Variants in ZNF366 observed in about 807,000 individuals in gnomAD.
ZNF366 encodes zinc finger protein 366.
Under a neutral mutation model 47.2 loss-of-function variants are expected in ZNF366, and 20 were observed. The observed-to-expected ratio is 0.42, with a 90% CI of 0.30 to 0.62. The LOEUF (loss-of-function observed/expected upper bound fraction) is 0.62, where lower values mean the gene tolerates loss of function less well. Ranked by LOEUF, ZNF366 falls within the 20% of genes least tolerant of loss-of-function variation. The probability of loss-of-function intolerance (pLI) is 0.16; values close to 1 mark genes in which losing one functional copy is unlikely to be tolerated. For missense variants in ZNF366, 987 were observed against 976.3 expected (o/e 1.01, Z -0.15); for synonymous variants, 421 against 395.1 (o/e 1.07, Z -0.78).
At chr5:72,490,939 T>C (rs4703551) in intron 1 of ZNF366, among the ~76,000 whole-genome samples, 24,418 of 152,134 alleles carry the variant, frequency 0.16, 2,501 homozygotes, top group East Asian at 0.38. Flanking sequence ...CCTGAGACCC[T>C]CTTCTCCCTG....
At chr5:72,452,314 A>C (rs1411101258) in intron 3 of ZNF366, among the ~76,000 whole-genome samples, 1 of 152,218 alleles carries the variant, frequency 6.6e-6, no homozygotes, top group Non-Finnish European at 1.5e-5. Flanking sequence ...GTGAGAAAAC[A>C]GGAAGCTTTG....
chr5:72,453,054 C>A (rs1561190945), intron 3 of ZNF366, among the ~76,000 whole-genome samples: 1 of 152,302 alleles, frequency 6.6e-6, no homozygotes, highest in East Asian at 1.9e-4. Flanking sequence ...GGAATGGAAA[C>A]CTTTCCTCTC....
In ZNF366 at chr5:72,444,223, G is replaced by T. The variant is rs1561187721; in HGVS notation, c.1768C>A (p.Pro590Thr). The T allele has an allele frequency of 2.5e-6, 4 of 1,613,498 alleles. No individual in the cohort carries two copies. Among genetic ancestry groups the T allele is most frequent in the Non-Finnish European group, 3.4e-6 (4 of 1,180,032 alleles). ...GVLRSLEQEE[P>T]FDLSQKRRAK... ...CGGCGCTTCTGAGAGAGGTCAAAGGGCTCCTCCTGCTCCAGACTCCTCAGG... is the reference window on the plus strand; with the variant it reads ...CGGCGCTTCTGAGAGAGGTCAAAGGTCTCCTCCTGCTCCAGACTCCTCAGG... Residue 590 changes from proline (P) to threonine (T), a missense_variant, in exon 5 of 5, where the codon CCC becomes ACC. Around this residue, in one of 3 missense-constraint regions of ZNF366, gnomAD observed 285 missense variants for 234.8 expected, o/e 1.21. Coordinates refer to ENST00000318442, the MANE Select transcript of ZNF366 (RefSeq NM_152625.3).
At chr5:72,459,635 C>G in intron 2 of ZNF366, among the ~76,000 whole-genome samples, 1 of 152,214 alleles carries the variant, frequency 6.6e-6, no homozygotes, top group East Asian at 1.9e-4. Flanking sequence ...TAGGCCCTGC[C>G]GGCCTCAGCC....
chr5:72,483,937 C>CT (rs898569727), intron 1 of ZNF366, among the ~76,000 whole-genome samples: 3 of 151,868 alleles, frequency 2.0e-5, no homozygotes, highest in Non-Finnish European at 4.4e-5. Context: ...AAAAAAAAAA[C>CT]TTTTTATTAA....
intron 1 of ZNF366, among the ~76,000 whole-genome samples, chr5:72,491,296 A>T (rs981679221): frequency 6.6e-6 from 1 of 152,098 alleles, no homozygotes. Flanking sequence ...AGTTTTGTCC[A>T]CTCTAAGCCC....
At chr5:72,450,068 C>A (rs538648749) in intron 3 of ZNF366, among the ~76,000 whole-genome samples, 1 of 152,122 alleles carries the variant, frequency 6.6e-6, no homozygotes, top group Admixed American at 6.5e-5. Flanking sequence ...TTGCTGAAGC[C>A]TTAGAAACTG....
intron 1 of ZNF366, among the ~76,000 whole-genome samples, chr5:72,481,450 C>G (rs1427473421): frequency 6.6e-6 from 1 of 152,052 alleles, no homozygotes; most frequent in African/African-American, 2.4e-5. Context: ...TATTATATAT[C>G]TCTATGCACT....
intron 1 of ZNF366, among the ~76,000 whole-genome samples, chr5:72,486,487 C>T (rs1257309481): frequency 2.0e-5 from 3 of 152,194 alleles, no homozygotes; most frequent in African/African-American, 7.2e-5. Flanking sequence ...TGTACCTCCC[C>T]TGCCCTACAC....
intron 3 of ZNF366, among the ~76,000 whole-genome samples, chr5:72,453,676 CTG>C (rs1188613105): frequency 6.6e-6 from 1 of 152,206 alleles, no homozygotes; most frequent in Non-Finnish European, 1.5e-5. Context: ...CTCTGCAAGT[CTG>C]TTGAAATGAA....
intron 1 of ZNF366, among the ~76,000 whole-genome samples, chr5:72,475,003 A>G (rs551459759): frequency 6.6e-6 from 1 of 152,326 alleles, no homozygotes; most frequent in Non-Finnish European, 1.5e-5. Context: ...TTTTCTGTCC[A>G]GGGTACAGAT....
intron 1 of ZNF366, among the ~76,000 whole-genome samples, chr5:72,466,233 T>G (rs766035385): frequency 1.3e-5 from 2 of 152,232 alleles, no homozygotes; most frequent in African/African-American, 4.8e-5. Context: ...AGTTTATTCA[T>G]ACCATGTGGC....
chr5:72,461,080 G>A lies in ZNF366; in HGVS notation c.417C>T (p.Tyr139=), dbSNP rs371801708. The A allele has an allele frequency of 1.2e-5, 19 of 1,614,056 alleles. No homozygotes were observed. The African/African-American group carries it at 2.3e-4, about 19-fold the overall frequency. ...TGCCCCCAAAGTGTTCCAGGCTGCG[G>A]TAGAATTGGAAGCCCACGTTGCACA... ...IDLCNVGFQF[Y]RSLEHFGGKP... The change falls in exon 2 of 5, where the codon TAC becomes TAT. Residue 139 remains tyrosine, a synonymous_variant. Transcript: ENST00000318442.
rs370838064 is a variant in ZNF366 at position 72,487,486 on chromosome 5, G to A, written c.-15+19765C>T. Among the ~76,000 whole-genome samples the A allele has an allele frequency of 2.2e-4, 34 of 152,110 alleles. No individual in the cohort carries two copies. The East Asian group carries it at 3.7e-3, about 16-fold the overall frequency. ...AAGTCATTTCCATATGCCTTTTAAGGCCATATTTGGGGTTCTTCCTAGTCT... is the reference window on the plus strand; with the variant it reads ...AAGTCATTTCCATATGCCTTTTAAGACCATATTTGGGGTTCTTCCTAGTCT... On this transcript the variant is annotated intron_variant, in intron 1 of 4. Coordinates refer to ENST00000318442, the MANE Select transcript of ZNF366 (RefSeq NM_152625.3).
chr5:72,448,751 T>G (rs1365512351), intron 3 of ZNF366, among the ~76,000 whole-genome samples: 1 of 152,164 alleles, frequency 6.6e-6, no homozygotes, highest in Admixed American at 6.5e-5. Flanking sequence ...ATGAAGGCAA[T>G]AATTTCATTA....
chr5:72,452,332 C>T (rs1339056690), intron 3 of ZNF366, among the ~76,000 whole-genome samples: 3 of 152,182 alleles, frequency 2.0e-5, no homozygotes, highest in African/African-American at 7.2e-5. Context: ...TTGAAAAGTA[C>T]AAGAGAAAGC....
Position 72,460,513 on chromosome 5 carries a change from C to T in ZNF366, c.984G>A (p.Met328Ile), listed in dbSNP as rs1428094568. The T allele has an allele frequency of 6.2e-7, 1 of 1,614,088 alleles. No individual in the cohort carries two copies. Among genetic ancestry groups the T allele is most frequent in the Non-Finnish European group, 8.5e-7 (1 of 1,180,024 alleles). The change falls in exon 2 of 5, where the codon ATG becomes ATA. Residue 328 changes from methionine (M) to isoleucine (I), a missense_variant. Around this residue, in one of 3 missense-constraint regions of ZNF366, gnomAD observed 591 missense variants for 560.9 expected, o/e 1.05. Coordinates refer to ENST00000318442, the MANE Select transcript of ZNF366 (RefSeq NM_152625.3). ...FTQTSHLKRH[M>I]MQHSEVKPHN... ...GCGGCTTCACCTCGCTGTGCTGCAT[C>T]ATGTGGCGCTTCAGGTGGCTGGTCT...
intron 1 of ZNF366, among the ~76,000 whole-genome samples, chr5:72,464,667 T>A (rs1026184056): frequency 6.6e-6 from 1 of 152,226 alleles, no homozygotes; most frequent in Admixed American, 6.5e-5. Context: ...TAATATTAAT[T>A]TCCCCCAGTT....
At chr5:72,506,180 G>A (rs1011231562) in intron 1 of ZNF366, among the ~76,000 whole-genome samples, 1 of 152,188 alleles carries the variant, frequency 6.6e-6, no homozygotes, top group African/African-American at 2.4e-5. Context: ...TTTCATAGCA[G>A]TGAATATTTT....
Sources: gnomAD v4.1 joint callset for allele counts (sites outside exome capture counted in the v4.1 genomes callset) on GRCh38, gnomAD v4.1.1 for gene constraint, gnomAD v4.1.1 regional missense constraint, MANE v1.5 for transcripts, NCBI Gene and HGNC (gene_info 2026-07-23, HGNC 2026-07-21) for gene names.